Variants in SLC4A10 observed in about 807,000 individuals in gnomAD.
SLC4A10 encodes solute carrier family 4 member 10, also known as sodium-driven chloride bicarbonate exchanger.
A neutral mutation model predicts 137.7 loss-of-function variants in SLC4A10; 42 were observed. The ratio of observed to expected loss-of-function variants is 0.30; its 90% CI spans 0.24 to 0.39. The LOEUF is 0.39. Ranked by LOEUF, SLC4A10 falls within the 10% of genes least tolerant of loss-of-function variation. SLC4A10 has a pLI of 1.00. For missense variants in SLC4A10, 925 were observed against 1,355.0 expected, an observed-to-expected ratio of 0.68 and a Z score of 4.98; for synonymous variants, 474 against 464.1, an observed-to-expected ratio of 1.02 and a Z score of -0.27.
At chr2:161,822,878 A>G (rs72879207) in intron 3 of SLC4A10, among the ~76,000 whole-genome samples, 10,098 of 152,162 alleles carry the variant, frequency 0.066, 441 homozygotes, top group East Asian at 0.15. Context: ...GGGAGCCTGG[A>G]GCAGGAGAAC....
intron 14 of SLC4A10, 136 bp downstream of exon 14, chr2:161,905,045 T>C (rs1575568655): frequency 1.2e-6 from 1 of 839,606 alleles, no homozygotes; most frequent in African/African-American, 1.7e-5. Flanking sequence ...TCATTTTTGC[T>C]TCATCATGGG....
chr2:161,984,524 C>T lies in SLC4A10; in HGVS notation c.*1372C>T, dbSNP rs914986789. 2.2e-4 allele frequency: 33 copies of T among 152,060 alleles called. No homozygotes were observed. The highest frequency in any genetic ancestry group is 1.5e-5 in the Non-Finnish European group (1 of 67,974). 9.4% of individuals were successfully genotyped at this position (152,060 alleles called of 1,614,324 possible). On this transcript the variant is annotated 3_prime_UTR_variant, in exon 27 of 27. Coordinates refer to ENST00000446997, the MANE Select transcript of SLC4A10 (RefSeq NM_001178015.2). ...AATTCAGAGCCCTGTGGCTTTTACA[C>T]ACCGTTAATTATGTACTCTGTTGGA...
At chr2:161,728,057 A>C (rs778316635) in intron 1 of SLC4A10, among the ~76,000 whole-genome samples, 6 of 152,304 alleles carry the variant, frequency 3.9e-5, no homozygotes, top group Non-Finnish European at 7.4e-5. Flanking sequence ...TACCAATATC[A>C]GGAATGAGAG....
intron 13 of SLC4A10, 37 bp from the exon 14 acceptor site, chr2:161,904,739 C>T (rs756775518): frequency 1.2e-6 from 2 of 1,610,976 alleles, no homozygotes; most frequent in Non-Finnish European, 8.5e-7. Flanking sequence ...GCCTCCTGTA[C>T]AGCTTAGGTA....
rs141574658 is a variant in SLC4A10 at position 161,824,779 on chromosome 2, G to A, written c.278-15010G>A. On this transcript the variant is annotated intron_variant, in intron 3 of 26. Coordinates refer to ENST00000446997, the MANE Select transcript of SLC4A10 (RefSeq NM_001178015.2). ...TAAAATAAATGGTGGAAGAAGGATC[G>A]CATCTCATGGAAACAGTTTTAGAGA... Among the ~76,000 whole-genome samples the A allele has an allele frequency of 2.1e-3, 313 of 152,214 alleles. 1 individual carries two copies. Among genetic ancestry groups the A allele is most frequent in the African/African-American group, 7.2e-3 (297 of 41,526 alleles).
intron 1 of SLC4A10, among the ~76,000 whole-genome samples, chr2:161,690,993 C>T (rs187300336): frequency 2.6e-5 from 4 of 151,668 alleles, no homozygotes; most frequent in Admixed American, 2.6e-4. Context: ...TGGTGATAAC[C>T]AAATTATGAC....
chr2:161,977,237 A>G, intron 25 of SLC4A10: 1 of 346,356 alleles, frequency 2.9e-6, no homozygotes, highest in Non-Finnish European at 5.7e-6. Flanking sequence ...TTAGACTGAT[A>G]TGCACTGTGT....
At chr2:161,944,496 A>G (rs1288523976) in intron 16 of SLC4A10, among the ~76,000 whole-genome samples, 1 of 151,866 alleles carries the variant, frequency 6.6e-6, no homozygotes, top group African/African-American at 2.4e-5. Flanking sequence ...TTATCAGGCT[A>G]GCTGTGAGTT....
At chr2:161,915,185 A>G (rs555494781) in intron 15 of SLC4A10, among the ~76,000 whole-genome samples, 60 of 152,160 alleles carry the variant, frequency 3.9e-4, no homozygotes, top group Non-Finnish European at 7.6e-4. Flanking sequence ...GGAAAGAGGC[A>G]ACTTGACTTC....
intron 17 of SLC4A10, 83 bp from the exon 18 acceptor site, chr2:161,949,064 TA>T: frequency 1.2e-6 from 1 of 822,548 alleles, no homozygotes; most frequent in Non-Finnish European, 2.0e-6. Flanking sequence ...AAAGTGTTTA[TA>T]AAGTGTGACT....
At chr2:161,781,292 T>C (rs906814137) in intron 2 of SLC4A10, among the ~76,000 whole-genome samples, 1 of 152,060 alleles carries the variant, frequency 6.6e-6, no homozygotes, top group African/African-American at 2.4e-5. Flanking sequence ...GGAGGAAGTA[T>C]CAGTGGTGTG....
chr2:161,863,414 AC>A (rs1468837227), intron 6 of SLC4A10, among the ~76,000 whole-genome samples: 1 of 152,180 alleles, frequency 6.6e-6, no homozygotes, highest in African/African-American at 2.4e-5. Context: ...CAGGGCTTTG[AC>A]TTACGCCATA....
chr2:161,947,598 A>G lies in SLC4A10; in HGVS notation c.2136A>G (p.Gly712=). 1 of 1,612,960 alleles carries G rather than the reference A, an allele frequency of 6.2e-7. No homozygotes were observed. Among genetic ancestry groups the G allele is most frequent in the Non-Finnish European group, 8.5e-7 (1 of 1,179,298 alleles). ...ECKSLHGEYV[G]RACGHDHPYV... ...AATCATTGCATGGAGAGTATGTTGG[A>G]CGGGCCTGTGGCCATGATCACCCAT... is the stretch of plus-strand genomic sequence containing the variant. The change falls in exon 17 of 27, where the codon GGA becomes GGG. Residue 712 remains glycine (G), a synonymous_variant. Transcript: ENST00000446997.
chr2:161,863,162 T>G (rs1325984230), intron 6 of SLC4A10, 100 bp downstream of exon 6: 1 of 1,132,718 alleles, frequency 8.8e-7, no homozygotes, highest in African/African-American at 1.6e-5. Flanking sequence ...GAAAATGATT[T>G]TTTGAAATTC....
At chr2:161,805,090 G>A (rs1054715731) in intron 3 of SLC4A10, among the ~76,000 whole-genome samples, 4 of 152,128 alleles carry the variant, frequency 2.6e-5, no homozygotes, top group Non-Finnish European at 4.4e-5. Context: ...CACAATTATG[G>A]TGGAAGGCAA....
At chr2:161,811,047 A>C (rs963114790) in intron 3 of SLC4A10, among the ~76,000 whole-genome samples, 9 of 151,604 alleles carry the variant, frequency 5.9e-5, no homozygotes, top group African/African-American at 2.2e-4. Flanking sequence ...CAATTTCAGA[A>C]CTTGTTATTG....
intron 1 of SLC4A10, among the ~76,000 whole-genome samples, chr2:161,669,008 C>T (rs1372670186): frequency 6.6e-6 from 1 of 151,692 alleles, no homozygotes; most frequent in African/African-American, 2.4e-5. Context: ...AGGTCTTTTC[C>T]CTCTTTTAAA....
chr2:161,863,056 A>C lies in SLC4A10; in HGVS notation c.760A>C (p.Lys254Gln), dbSNP rs1559411656. Reference sequence around the variant, plus strand: ...ACAGTCAGAACCAAATTCCATGGACAAAAATGGTAAATGTTTATTTATTGT... The same window carrying C: ...ACAGTCAGAACCAAATTCCATGGACCAAAATGGTAAATGTTTATTTATTGT... ...KKQSEPNSMD[K>Q]NAGQVVSPQS... Residue 254 changes from lysine to glutamine, a missense_variant, in exon 6 of 27, where the codon AAA (lysine) becomes CAA (glutamine). Lys to Gln is a moderately conservative substitution (Grantham distance 53, BLOSUM62 1). Coordinates refer to ENST00000446997, the MANE Select transcript of SLC4A10 (RefSeq NM_001178015.2). The C allele has an allele frequency of 6.2e-7, 1 of 1,613,604 alleles. No individual in the cohort carries two copies. The highest frequency in any genetic ancestry group is 8.5e-7 in the Non-Finnish European group (1 of 1,179,632).
chr2:161,696,699 C>T (rs1209198219), intron 1 of SLC4A10, among the ~76,000 whole-genome samples: 2 of 152,018 alleles, frequency 1.3e-5, no homozygotes, highest in African/African-American at 4.8e-5. Flanking sequence ...TTAATCGAGT[C>T]TATCATTGAT....
Sources: gnomAD v4.1 joint callset for allele counts (sites outside exome capture counted in the v4.1 genomes callset) on GRCh38, gnomAD v4.1.1 for gene constraint, MANE v1.5 for transcripts, NCBI Gene and HGNC (gene_info 2026-07-23, HGNC 2026-07-21) for gene names.